Variants in CCDC152 observed in about 807,000 individuals in gnomAD.
The protein encoded by CCDC152 is coiled-coil domain containing 152.
Under a neutral mutation model 38.1 loss-of-function variants are expected in CCDC152, and 37 were observed. That is an observed-to-expected ratio of 0.97 (90% confidence interval 0.75 to 1.28). CCDC152 has a LOEUF of 1.28. CCDC152 is among the 50% of genes most tolerant of loss of function. CCDC152 has a pLI of 0.00. For synonymous variants in CCDC152, 83 were observed against 87.1 expected, an observed-to-expected ratio of 0.95 and a Z score of 0.26; for missense variants, 259 against 292.1, an observed-to-expected ratio of 0.89 and a Z score of 0.83.
At chr5:42,784,116 G>T (rs1759886597) in intron 6 of CCDC152, among the ~76,000 whole-genome samples, 1 of 152,102 alleles carries the variant, frequency 6.6e-6, no homozygotes, top group South Asian at 2.1e-4. Context: ...CCAATAGTAG[G>T]ATTACTGGGT....
At position 42,801,303 on chromosome 5, in the gene CCDC152, C is replaced by T. The variant is rs758709326; in HGVS notation, c.*1522C>T. ...TTTATCCACAGTAGCCAAAGATACA[C>T]GTTTACAAAAGTCTTCATCTTTGAG... On this transcript the variant is annotated 3_prime_UTR_variant, in exon 9 of 9. Coordinates refer to ENST00000361970, the MANE Select transcript of CCDC152 (RefSeq NM_001134848.2). 29 of 1,610,720 alleles carry T rather than the reference C, an allele frequency of 1.8e-5. No individual in the cohort carries two copies. The highest frequency in any genetic ancestry group is 2.3e-5 in the Non-Finnish European group (27 of 1,178,446).
chr5:42,775,662 CTT>C (rs925812399), intron 4 of CCDC152, among the ~76,000 whole-genome samples: 2 of 151,964 alleles, frequency 1.3e-5, no homozygotes, highest in Non-Finnish European at 2.9e-5. Context: ...AAAATAAAAA[CTT>C]TTATTTTTCT....
chr5:42,771,688 T>G (rs1205904772), intron 4 of CCDC152, among the ~76,000 whole-genome samples: 1 of 151,944 alleles, frequency 6.6e-6, no homozygotes, highest in Non-Finnish European at 1.5e-5. Flanking sequence ...GTCAAATACC[T>G]AAGAATATAC....
chr5:42,775,025 G>GAA (rs35289008), intron 4 of CCDC152, among the ~76,000 whole-genome samples: 55 of 133,104 alleles, frequency 4.1e-4, no homozygotes, highest in East Asian at 1.0e-3. Context: ...TGAAATTTCA[G>GAA]AAAAAAAAAA....
chr5:42,789,679 G>T (rs140722416), intron 6 of CCDC152, among the ~76,000 whole-genome samples: 1 of 151,980 alleles, frequency 6.6e-6, no homozygotes, highest in African/African-American at 2.4e-5. Flanking sequence ...TATATGTAAA[G>T]CATATTGAAT....
chr5:42,794,244 T>C (rs923892250), intron 6 of CCDC152, among the ~76,000 whole-genome samples: 8 of 152,208 alleles, frequency 5.3e-5, no homozygotes, highest in Admixed American at 2.6e-4. Context: ...AAAAGTTGGA[T>C]GTCAAGTGGA....
Position 42,758,987 on chromosome 5 carries a change from G to A in CCDC152, c.-2-133G>A, listed in dbSNP as rs78106529. ...AATATTGGTTATAACAAAAATTCTC[G>A]CAGTGCAATGGAGCCCAAGTAGGTG... On this transcript the variant is annotated intron_variant, in intron 1 of 8. Coordinates refer to ENST00000361970, the MANE Select transcript of CCDC152 (RefSeq NM_001134848.2). 4.4e-3 allele frequency: 2,363 copies of A among 543,098 alleles called. 49 individuals are homozygous for A. The highest frequency in any genetic ancestry group is 0.041 in the African/African-American group (2,116 of 51,388). The allele number at this position is 543,098 out of a possible 1,614,324, so 33.6% of individuals were successfully genotyped here. A position where few individuals can be genotyped will look rare whatever the true frequency, so the allele number is the denominator to read the frequency against.
chr5:42,769,481 G>C, intron 3 of CCDC152, 116 bp from the exon 4 acceptor site: 1 of 1,205,176 alleles, frequency 8.3e-7, no homozygotes, highest in South Asian at 1.6e-5. Flanking sequence ...AGGACTACAA[G>C]GCACACATCA....
intron 1 of CCDC152, 77 bp downstream of exon 1, chr5:42,756,962 G>A (rs935077413): frequency 6.5e-6 from 1 of 152,698 alleles, no homozygotes; most frequent in African/African-American, 2.4e-5. Context: ...TTTCATTACA[G>A]TGCTCTGGGT....
rs369611774 is a variant in CCDC152 at position 42,772,267 on chromosome 5, A to C, written c.262+2602A>C. The stretch of plus-strand genomic sequence containing the variant: ...CTCATGAAATAGGCATAGATAGAGA[A>C]GATAATAGGCATGGAAGGATCTTGC... On this transcript the variant is annotated intron_variant, in intron 4 of 8. Transcript: ENST00000361970. 5.3e-5 allele frequency among the ~76,000 whole-genome samples: 8 copies of C among 152,380 alleles called. No homozygotes were observed. In the East Asian group the frequency reaches 1.2e-3, roughly 22 times the overall value.
In CCDC152 at chr5:42,794,635, C is replaced by G. The variant is rs573944074; in HGVS notation, c.431-2194C>G. Among the ~76,000 whole-genome samples, 7 of 152,328 alleles carry G rather than the reference C, an allele frequency of 4.6e-5. No homozygotes were observed. The South Asian group carries it at 1.0e-3, about 23-fold the overall frequency. On this transcript the variant is annotated intron_variant, in intron 6 of 8. Transcript: ENST00000361970. ...GAGAAAATTAGTTCTTGCTATACTTCCATCTTCCAAACCTTGTGGAGATTT... is the reference window on the plus strand; with the variant it reads ...GAGAAAATTAGTTCTTGCTATACTTGCATCTTCCAAACCTTGTGGAGATTT...
At chr5:42,772,975 TC>T (rs759500496) in intron 4 of CCDC152, among the ~76,000 whole-genome samples, 4 of 152,170 alleles carry the variant, frequency 2.6e-5, no homozygotes, top group Non-Finnish European at 4.4e-5. Context: ...GCATCCAAGC[TC>T]CAAGGGAGTT....
chr5:42,773,104 C>A (rs183955113), intron 4 of CCDC152, among the ~76,000 whole-genome samples: 13 of 152,172 alleles, frequency 8.5e-5, no homozygotes, highest in Admixed American at 3.9e-4. Flanking sequence ...AAAAATCATG[C>A]CAGCAGGATG....
In CCDC152 at chr5:42,799,956, T is replaced by A. The variant is rs113324887; in HGVS notation, c.*175T>A. On this transcript the variant is annotated 3_prime_UTR_variant, in exon 9 of 9. Coordinates refer to ENST00000361970, the MANE Select transcript of CCDC152 (RefSeq NM_001134848.2). ...AATTCTGTACTGCATTCTTGCTTAA[T>A]AGTATTAACCATAAAGGAGGTCAGG... 1.5e-6 allele frequency: 1 copy of A among 647,248 alleles called. No individual in the cohort carries two copies. Among genetic ancestry groups the A allele is most frequent in the East Asian group, 3.1e-5 (1 of 32,418 alleles). 40.1% of individuals were successfully genotyped at this position (647,248 alleles called of 1,614,324 possible).
intron 2 of CCDC152, among the ~76,000 whole-genome samples, chr5:42,761,175 T>C (rs967153790): frequency 1.3e-5 from 2 of 152,136 alleles, no homozygotes; most frequent in African/African-American, 2.4e-5. Flanking sequence ...TATTATACTA[T>C]TCACAAAAAT....
Position 42,801,005 on chromosome 5 carries a change from A to G in CCDC152, c.*1224A>G. On this transcript the variant is annotated 3_prime_UTR_variant, in exon 9 of 9. Transcript: ENST00000361970. ...CCAACTCTGAATCTGTGGGCAATTT[A>G]CAGAGTAATTGATTTATACATCTCT... 1 of 1,614,146 alleles carries G rather than the reference A, an allele frequency of 6.2e-7. No individual in the cohort carries two copies. The highest frequency in any genetic ancestry group is 8.5e-7 in the Non-Finnish European group (1 of 1,179,962).
At chr5:42,772,902 G>T (rs928059238) in intron 4 of CCDC152, among the ~76,000 whole-genome samples, 2 of 152,114 alleles carry the variant, frequency 1.3e-5, no homozygotes, top group African/African-American at 4.8e-5. Context: ...ACAGGAAACG[G>T]TTTTTCTTTT....
chr5:42,796,107 G>T (rs889430529), intron 6 of CCDC152, among the ~76,000 whole-genome samples: 5 of 151,924 alleles, frequency 3.3e-5, no homozygotes, highest in Non-Finnish European at 7.4e-5. Context: ...GGGGAGATGG[G>T]GGAGGGATAG....
At chr5:42,797,766 G>T (rs1760093992) in intron 7 of CCDC152, among the ~76,000 whole-genome samples, 1 of 151,628 alleles carries the variant, frequency 6.6e-6, no homozygotes, top group African/African-American at 2.4e-5. Context: ...TATATCCTGG[G>T]GGCAAACAAA....
Sources: gnomAD v4.1 joint callset for allele counts (sites outside exome capture counted in the v4.1 genomes callset) on GRCh38, gnomAD v4.1.1 for gene constraint, MANE v1.5 for transcripts, NCBI Gene and HGNC (gene_info 2026-07-23, HGNC 2026-07-21) for gene names.